CACNA1B: variants seen among roughly 807,000 people sequenced by gnomAD.
CACNA1B encodes the protein voltage-dependent N-type calcium channel subunit alpha-1B.
Under a neutral mutation model 247.2 loss-of-function variants are expected in CACNA1B, and 70 were observed. The ratio of observed to expected loss-of-function variants is 0.28; its 90% CI spans 0.23 to 0.35. The LOEUF is 0.35. Among genes scored for constraint, CACNA1B ranks in the 10% least tolerant of loss-of-function variants. The pLI, the probability that CACNA1B is intolerant of heterozygous loss-of-function variation, is 1.00. For synonymous variants in CACNA1B, 1,231 were observed against 1,294.4 expected, an observed-to-expected ratio of 0.95 and a Z score of 1.05; for missense variants, 2,367 against 3,197.4, an observed-to-expected ratio of 0.74 and a Z score of 6.26.
At chr9:138,086,817 CTAACAGACATT>C (rs1482014223) in intron 36 of CACNA1B, among the ~76,000 whole-genome samples, 2 of 151,230 alleles carry the variant, frequency 1.3e-5, no homozygotes, top group Non-Finnish European at 2.9e-5. Flanking sequence ...CCAAATGGAC[CTAACAGACATT>C]TCCAGAACTT....
intron 20 of CACNA1B, among the ~76,000 whole-genome samples, chr9:138,028,318 T>C (rs554489402): frequency 4.9e-4 from 75 of 152,292 alleles, no homozygotes; most frequent in Non-Finnish European, 8.8e-5. Context: ...CCACCGTGCC[T>C]GGCCCCATTA....
intron 3 of CACNA1B, among the ~76,000 whole-genome samples, chr9:137,885,516 C>T (rs1381727667): frequency 2.8e-5 from 4 of 140,550 alleles, no homozygotes; most frequent in Non-Finnish European, 6.2e-5. Flanking sequence ...AGGCAGACAC[C>T]CTGGCCTGTT....
chr9:138,013,313 C>A (rs1958749550), intron 18 of CACNA1B, 78 bp downstream of exon 18: 1 of 1,111,122 alleles, frequency 9.0e-7, no homozygotes, highest in Non-Finnish European at 1.3e-6. Flanking sequence ...CCCCAGGGCA[C>A]CCCTTCCAGA....
chr9:138,118,705 C>G lies in CACNA1B; in HGVS notation c.5967C>G (p.Pro1989=), dbSNP rs200706575. ...SITRRGPDGE[P]QPGLESQGRA... The stretch of plus-strand genomic sequence containing the variant: ...CCCGGAGGGGCCCTGATGGGGAGCC[C>G]CAGCCTGGGCTGGAGAGCCAGGGTC... Residue 1989 remains proline (P), a synonymous_variant, in exon 44 of 47, where the codon CCC becomes CCG. Transcript: ENST00000371372. 8.1e-5 allele frequency: 127 copies of G among 1,565,862 alleles called. No homozygotes were observed. The highest frequency in any genetic ancestry group is 1.1e-4 in the Non-Finnish European group (125 of 1,156,528).
Position 138,050,007 on chromosome 9 carries a change from G to T in CACNA1B, c.3710+692G>T, listed in dbSNP as rs868377718. 24 of 1,178,812 alleles carry T rather than the reference G, an allele frequency of 2.0e-5. No individual in the cohort carries two copies. In the East Asian group the frequency reaches 1.3e-3, roughly 65 times the overall value. 73.0% of individuals were successfully genotyped at this position (1,178,812 alleles called of 1,614,324 possible). A position where few individuals can be genotyped will look rare whatever the true frequency, so the allele number is the denominator to read the frequency against. On this transcript the variant is annotated intron_variant, in intron 24 of 46. Coordinates refer to ENST00000371372, the MANE Select transcript of CACNA1B (RefSeq NM_000718.4). This position sits in a 1 kb window ranked among gnomAD's most constrained non-coding sequence, Gnocchi z 5.2. Reference sequence around the variant, plus strand: ...AGGGAGGGTCCACATCTCTCTGAGCGGCTGGGAGGGCTGCTCCTGGTGCCA... The same window carrying T: ...AGGGAGGGTCCACATCTCTCTGAGCTGCTGGGAGGGCTGCTCCTGGTGCCA...
chr9:138,117,404 G>A (rs555003285), intron 42 of CACNA1B, among the ~76,000 whole-genome samples: 3 of 148,294 alleles, frequency 2.0e-5, no homozygotes, highest in East Asian at 2.1e-4. Context: ...GTCCCAGCCC[G>A]TCCCCTCCAT....
chr9:137,880,559 G>T lies in CACNA1B; in HGVS notation c.390+1400G>T, dbSNP rs542249863. On this transcript the variant is annotated intron_variant, in intron 2 of 46. Transcript: ENST00000371372. This position sits in a 1 kb window ranked among gnomAD's most constrained non-coding sequence, Gnocchi z 4.8. ...TCAAGCTGTCTTGCCCTGCCAGGCA[G>T]TGGGTGTCCAGCCTTGCAAGTTCCT... 1.1e-4 allele frequency among the ~76,000 whole-genome samples: 17 copies of T among 152,332 alleles called. 1 individual carries two copies. The South Asian group carries it at 3.5e-3, about 32-fold the overall frequency.
At chr9:137,947,616 T>G (rs1319137440) in intron 6 of CACNA1B, among the ~76,000 whole-genome samples, 1 of 152,172 alleles carries the variant, frequency 6.6e-6, no homozygotes, top group Non-Finnish European at 1.5e-5. Context: ...TCATTTTTTC[T>G]TAGGAGAGTT....
At chr9:138,040,075 C>A (rs567065601) in intron 20 of CACNA1B, among the ~76,000 whole-genome samples, 19 of 152,166 alleles carry the variant, frequency 1.2e-4, no homozygotes, top group African/African-American at 4.3e-4. Context: ...AGTAGTTGGA[C>A]CACAGGCGCA....
intron 6 of CACNA1B, among the ~76,000 whole-genome samples, chr9:137,946,557 C>G (rs567342221): frequency 4.0e-5 from 6 of 151,650 alleles, no homozygotes; most frequent in Admixed American, 6.6e-5. Context: ...GCAAGTTGCC[C>G]TCAGTTACTG....
rs1452127721 is a variant in CACNA1B at position 137,881,126 on chromosome 9, G to A, written c.391-1618G>A. Among the ~76,000 whole-genome samples, 1 of 152,200 alleles carries A rather than the reference G, an allele frequency of 6.6e-6. No individual in the cohort carries two copies. Among genetic ancestry groups the A allele is most frequent in the Non-Finnish European group, 1.5e-5 (1 of 68,028 alleles). ...TCTCTTTTTCACCAGGAAGTTTCCT[G>A]TGAAGATCTCTGTCTGCTGCGGCCC... is the stretch of plus-strand genomic sequence containing the variant. On this transcript the variant is annotated intron_variant, in intron 2 of 46. Transcript: ENST00000371372. This position sits in a 1 kb window ranked among gnomAD's most constrained non-coding sequence, Gnocchi z 4.3.
At chr9:138,032,695 CGT>C in intron 20 of CACNA1B, 1 of 453,302 alleles carries the variant, frequency 2.2e-6, no homozygotes, top group Non-Finnish European at 4.4e-6. Context: ...TTGAAAAAAA[CGT>C]GTGCCTCTTC....
At position 137,881,297 on chromosome 9, in the gene CACNA1B, T is replaced by A. The variant is rs1370471255; in HGVS notation, c.391-1447T>A. On this transcript the variant is annotated intron_variant, in intron 2 of 46. Transcript: ENST00000371372. This position sits in a 1 kb window ranked among gnomAD's most constrained non-coding sequence, Gnocchi z 4.3. ...TGATGGACCCTTGGGTGCTGGTAGC[T>A]TCTACCAGGTACTGCCAGCCAAGCC... 6.6e-6 allele frequency among the ~76,000 whole-genome samples: 1 copy of A among 152,224 alleles called. No individual in the cohort carries two copies. The highest frequency in any genetic ancestry group is 1.9e-4 in the East Asian group (1 of 5,162).
intron 10 of CACNA1B, among the ~76,000 whole-genome samples, chr9:137,964,891 G>T (rs1958057338): frequency 6.6e-6 from 1 of 152,162 alleles, no homozygotes; most frequent in Admixed American, 6.5e-5. Context: ...GTGTTTTGTT[G>T]TTGTTGTTGT....
intron 18 of CACNA1B, chr9:138,017,182 G>A (rs1333354541): frequency 1.9e-6 from 1 of 518,960 alleles, no homozygotes; most frequent in Non-Finnish European, 3.8e-6. Flanking sequence ...CAGCTCATCT[G>A]TCTCCAGCGT....
chr9:137,925,690 C>A (rs1805622925), intron 6 of CACNA1B, among the ~76,000 whole-genome samples: 1 of 150,982 alleles, frequency 6.6e-6, no homozygotes, highest in Non-Finnish European at 1.5e-5. Context: ...TCTTTTGGAT[C>A]TGCTTTTTTT....
intron 18 of CACNA1B, among the ~76,000 whole-genome samples, chr9:138,015,137 A>G (rs1439814131): frequency 6.6e-6 from 1 of 152,098 alleles, no homozygotes; most frequent in Non-Finnish European, 1.5e-5. Context: ...CCTCAACTCA[A>G]GCAGGCTGCA....
In CACNA1B at chr9:137,971,479, G is replaced by A. The variant is rs1037362457; in HGVS notation, c.1430G>A (p.Arg477His). The A allele has an allele frequency of 1.9e-6, 3 of 1,613,450 alleles. No homozygotes were observed. Among genetic ancestry groups the A allele is most frequent in the Non-Finnish European group, 1.7e-6 (2 of 1,179,610 alleles). The stretch of plus-strand genomic sequence containing the variant: ...AAGATGTTCCGGTTTTTTATCCGGC[G>A]CATGGTGAAGGCTCAGAGCTTCTAC... ...KEKMFRFFIR[R>H]MVKAQSFYWV... Residue 477 changes from arginine to histidine, a missense_variant, in exon 11 of 47, where the codon CGC (arginine) becomes CAC (histidine). Coordinates refer to ENST00000371372, the MANE Select transcript of CACNA1B (RefSeq NM_000718.4). The surrounding 1 kb of genome is among the most constrained non-coding windows in gnomAD (Gnocchi z 4.4).
intron 3 of CACNA1B, among the ~76,000 whole-genome samples, chr9:137,912,842 A>C (rs569063605): frequency 1.3e-5 from 2 of 152,142 alleles, no homozygotes; most frequent in African/African-American, 2.4e-5. Context: ...CTTAAACTCA[A>C]TTGGTAGACA....
Sources: gnomAD v4.1 joint callset for allele counts (sites outside exome capture counted in the v4.1 genomes callset) on GRCh38, gnomAD v4.1.1 for gene constraint, Gnocchi (gnomAD v3.1) non-coding constraint, MANE v1.5 for transcripts, NCBI Gene and HGNC (gene_info 2026-07-23, HGNC 2026-07-21) for gene names.